RBFOX1: variants seen among roughly 807,000 people sequenced by gnomAD.
RBFOX1 encodes the protein RNA binding fox-1 homolog 1, also known as RNA binding protein fox-1 homolog 1.
RBFOX1 carries 8 observed loss-of-function variants against 57.7 expected under a neutral mutation model. The observed-to-expected ratio is 0.14, with a 90% CI of 0.08 to 0.25. The LOEUF (loss-of-function observed/expected upper bound fraction) is 0.25, where lower values mean the gene tolerates loss of function less well. Ranked by LOEUF, RBFOX1 falls within the 10% of genes least tolerant of loss-of-function variation. The probability of loss-of-function intolerance (pLI) is 1.00; values close to 1 mark genes in which losing one functional copy is unlikely to be tolerated. For missense variants in RBFOX1, 611 were observed against 548.5 expected, an observed-to-expected ratio of 1.11 and a Z score of -1.14; for synonymous variants, 326 against 222.4, an observed-to-expected ratio of 1.47 and a Z score of -4.15.
At chr16:7,487,989 G>A (rs2151433832) in intron 4 of RBFOX1, among the ~76,000 whole-genome samples, 1 of 152,208 alleles carries the variant, frequency 6.6e-6, no homozygotes, top group South Asian at 2.1e-4. Context: ...AATTAACTCT[G>A]GAGCGTAGAT....
intron 3 of RBFOX1, among the ~76,000 whole-genome samples, chr16:6,782,193 T>G (rs926129608): frequency 8.5e-5 from 13 of 152,070 alleles, no homozygotes; most frequent in Non-Finnish European, 1.8e-4. Flanking sequence ...TTTCAGTAGA[T>G]ACAGGGTTTC....
intron 1 of RBFOX1, among the ~76,000 whole-genome samples, chr16:6,177,047 C>T (rs965007981): frequency 1.2e-4 from 19 of 152,176 alleles, no homozygotes; most frequent in African/African-American, 4.1e-4. Context: ...TTTATTTCAG[C>T]AACTGAAAAC....
intron 4 of RBFOX1, among the ~76,000 whole-genome samples, chr16:7,053,956 A>G: frequency 6.6e-6 from 1 of 152,072 alleles, no homozygotes; most frequent in East Asian, 1.9e-4. Context: ...AATAGTACCA[A>G]AGAGAGTGCA....
intron 3 of RBFOX1, among the ~76,000 whole-genome samples, chr16:5,721,624 T>C (rs2051939200): frequency 6.6e-6 from 1 of 152,210 alleles, no homozygotes. Flanking sequence ...CCCTTTATAA[T>C]TTTGAAAACA....
At chr16:7,127,640 C>A (rs919923517) in intron 4 of RBFOX1, among the ~76,000 whole-genome samples, 5 of 151,986 alleles carry the variant, frequency 3.3e-5, no homozygotes, top group Non-Finnish European at 7.4e-5. Context: ...AGGGAGATGA[C>A]AATTGTGTGG....
At chr16:7,166,893 G>C (rs1388069111) in intron 4 of RBFOX1, among the ~76,000 whole-genome samples, 2 of 147,946 alleles carry the variant, frequency 1.4e-5, no homozygotes, top group African/African-American at 5.0e-5. Context: ...ACAGCCACCA[G>C]TAGCCTTGCT....
chr16:6,012,044 C>G (rs570010583), intron 4 of RBFOX1, among the ~76,000 whole-genome samples: 16 of 152,344 alleles, frequency 1.1e-4, no homozygotes, highest in Non-Finnish European at 2.1e-4. Flanking sequence ...AGCTGTTACC[C>G]TGTGCCAGGC....
chr16:7,332,519 C>A (rs183625339), intron 4 of RBFOX1, among the ~76,000 whole-genome samples: 2 of 152,118 alleles, frequency 1.3e-5, no homozygotes, highest in East Asian at 1.9e-4. Context: ...AACTCGGAGG[C>A]GATAATCACA....
chr16:5,358,942 C>G (rs1028116429), intron 1 of RBFOX1, among the ~76,000 whole-genome samples: 1 of 152,194 alleles, frequency 6.6e-6, no homozygotes, highest in African/African-American at 2.4e-5. Flanking sequence ...TTATTCCTCC[C>G]CACCTCTCCC....
intron 2 of RBFOX1, among the ~76,000 whole-genome samples, chr16:6,478,390 TA>T (rs1222843525): frequency 1.0e-4 from 2 of 19,326 alleles, no homozygotes; most frequent in African/African-American, 4.0e-4. Flanking sequence ...ACCCAGCTAA[TA>T]TATATATATA....
intron 3 of RBFOX1, among the ~76,000 whole-genome samples, chr16:6,767,567 A>ATTG (rs2077517713): frequency 1.3e-5 from 2 of 152,162 alleles, no homozygotes; most frequent in African/African-American, 4.8e-5. Context: ...ATAATGTCAA[A>ATTG]TATAGCATTT....
intron 3 of RBFOX1, among the ~76,000 whole-genome samples, chr16:6,979,765 A>G (rs1178939318): frequency 6.6e-6 from 1 of 152,208 alleles, no homozygotes; most frequent in Non-Finnish European, 1.5e-5. Flanking sequence ...TTTTCTAAAA[A>G]TGCAAAAATC....
chr16:5,826,790 A>G (rs886432158), intron 3 of RBFOX1, among the ~76,000 whole-genome samples: 1 of 152,178 alleles, frequency 6.6e-6, no homozygotes, highest in Non-Finnish European at 1.5e-5. Flanking sequence ...TTATAATTCC[A>G]AATATATTAT....
chr16:7,313,711 C>CA (rs5815391), intron 4 of RBFOX1, among the ~76,000 whole-genome samples: 2 of 151,860 alleles, frequency 1.3e-5, no homozygotes, highest in African/African-American at 4.8e-5. Context: ...TAATCCCCCA[C>CA]AAAAAAAGCC....
chr16:7,184,100 C>T (rs147844405), intron 4 of RBFOX1, among the ~76,000 whole-genome samples: 189 of 152,132 alleles, frequency 1.2e-3, no homozygotes, highest in African/African-American at 4.4e-3. Flanking sequence ...CCTGGCAGCA[C>T]AAAGATGTGT....
At chr16:7,154,745 G>C (rs963434776) in intron 4 of RBFOX1, among the ~76,000 whole-genome samples, 5 of 149,156 alleles carry the variant, frequency 3.4e-5, no homozygotes, top group Non-Finnish European at 7.4e-5. Context: ...ATATTTGCAT[G>C]TACCACATGT....
intron 2 of RBFOX1, among the ~76,000 whole-genome samples, chr16:6,503,090 A>G (rs372067272): frequency 2.0e-5 from 3 of 152,234 alleles, no homozygotes; most frequent in African/African-American, 7.2e-5. Context: ...TATATTCTCA[A>G]CAGACCTAAG....
chr16:6,185,399 C>T (rs544284682), intron 1 of RBFOX1, among the ~76,000 whole-genome samples: 30 of 152,298 alleles, frequency 2.0e-4, no homozygotes, highest in African/African-American at 7.2e-4. Flanking sequence ...TCAATACCGA[C>T]AATAAGCTGA....
At chr16:6,892,103 C>A (rs530100665) in intron 3 of RBFOX1, among the ~76,000 whole-genome samples, 1 of 152,138 alleles carries the variant, frequency 6.6e-6, no homozygotes, top group Non-Finnish European at 1.5e-5. Flanking sequence ...CTTTACAGCA[C>A]GTTGACTCTT....
Sources: gnomAD v4.1 joint callset for allele counts (sites outside exome capture counted in the v4.1 genomes callset) on GRCh38, gnomAD v4.1.1 for gene constraint, MANE v1.5 for transcripts, NCBI Gene and HGNC (gene_info 2026-07-23, HGNC 2026-07-21) for gene names.